MAML2: variants seen among roughly 807,000 people sequenced by gnomAD.
MAML2 encodes the protein mastermind like transcriptional coactivator 2, also known as mastermind-like protein 2.
MAML2 carries 22 observed loss-of-function variants against 96.1 expected under a neutral mutation model. The observed-to-expected ratio is 0.23, with a 90% CI of 0.16 to 0.33. The LOEUF (loss-of-function observed/expected upper bound fraction) is 0.33. Ranked by LOEUF, MAML2 falls within the 10% of genes least tolerant of loss-of-function variation. MAML2 has a pLI of 1.00. For synonymous variants in MAML2, 561 were observed against 521.3 expected (o/e 1.08, Z -1.04); for missense variants, 1,367 against 1,392.4 (o/e 0.98, Z 0.29).
intron 2 of MAML2, among the ~76,000 whole-genome samples, chr11:96,075,778 C>A (rs1208337528): frequency 6.6e-6 from 1 of 152,182 alleles, no homozygotes. Flanking sequence ...TTTCAGGTTA[C>A]TGGAAAAGCT....
intron 2 of MAML2, among the ~76,000 whole-genome samples, chr11:96,014,309 C>T (rs1209789899): frequency 1.3e-5 from 2 of 152,152 alleles, no homozygotes; most frequent in South Asian, 4.1e-4. Flanking sequence ...AAAAGACTAC[C>T]TTATTATTGG....
At chr11:96,036,728 G>A (rs1858719254) in intron 2 of MAML2, among the ~76,000 whole-genome samples, 1 of 152,024 alleles carries the variant, frequency 6.6e-6, no homozygotes, top group Non-Finnish European at 1.5e-5. Context: ...CTCCGGGGCT[G>A]AGATGTGGCG....
intron 2 of MAML2, among the ~76,000 whole-genome samples, chr11:96,041,894 C>T (rs577493441): frequency 2.0e-5 from 3 of 152,054 alleles, no homozygotes; most frequent in South Asian, 2.1e-4. Context: ...TAGCAACCTC[C>T]GCCTCCCAGG....
chr11:96,085,811 G>T (rs914169374), intron 2 of MAML2, among the ~76,000 whole-genome samples: 1 of 152,160 alleles, frequency 6.6e-6, no homozygotes, highest in Non-Finnish European at 1.5e-5. Context: ...AGGCTAACAT[G>T]TTCTTCTTGT....
intron 2 of MAML2, among the ~76,000 whole-genome samples, chr11:96,070,578 T>C (rs939880408): frequency 6.6e-6 from 1 of 152,256 alleles, no homozygotes; most frequent in African/African-American, 2.4e-5. Context: ...CTGGTACCTG[T>C]GTAGGCACCT....
intron 1 of MAML2, among the ~76,000 whole-genome samples, chr11:96,225,832 CAA>C (rs36112117): frequency 6.9e-6 from 1 of 145,096 alleles, no homozygotes; most frequent in Admixed American, 6.9e-5. Context: ...GACACTATCT[CAA>C]AAAAAAAAAA....
At chr11:96,288,808 C>G (rs1863174099) in intron 1 of MAML2, among the ~76,000 whole-genome samples, 1 of 152,124 alleles carries the variant, frequency 6.6e-6, no homozygotes, top group African/African-American at 2.4e-5. Context: ...GGTTTTTCTA[C>G]TATACATTAA....
intron 1 of MAML2, among the ~76,000 whole-genome samples, chr11:96,149,185 G>C (rs1298713707): frequency 6.6e-6 from 1 of 151,446 alleles, no homozygotes; most frequent in Non-Finnish European, 1.5e-5. Flanking sequence ...AGGCCGAGGT[G>C]GGCAGATCAC....
At chr11:96,217,281 C>G (rs1852440318) in intron 1 of MAML2, among the ~76,000 whole-genome samples, 1 of 149,950 alleles carries the variant, frequency 6.7e-6, no homozygotes, top group Non-Finnish European at 1.5e-5. Flanking sequence ...TGTGCATTTA[C>G]TAAAAGTAAC....
At chr11:96,012,275 A>G (rs555658923) in intron 2 of MAML2, among the ~76,000 whole-genome samples, 2 of 152,304 alleles carry the variant, frequency 1.3e-5, no homozygotes, top group South Asian at 4.1e-4. Context: ...AGTGAACACA[A>G]TCTCATAGCA....
chr11:96,037,737 A>G (rs182754342), intron 2 of MAML2, among the ~76,000 whole-genome samples: 1 of 152,294 alleles, frequency 6.6e-6, no homozygotes, highest in East Asian at 1.9e-4. Flanking sequence ...CAATTCACCC[A>G]CAGAGCCTGG....
At chr11:96,071,665 C>A (rs1243645562) in intron 2 of MAML2, among the ~76,000 whole-genome samples, 1 of 152,198 alleles carries the variant, frequency 6.6e-6, no homozygotes, top group Non-Finnish European at 1.5e-5. Context: ...TGTTCTGTAA[C>A]CTCATGGACT....
chr11:96,038,067 G>T (rs902043056), intron 2 of MAML2, among the ~76,000 whole-genome samples: 2 of 152,088 alleles, frequency 1.3e-5, no homozygotes, highest in Non-Finnish European at 2.9e-5. Flanking sequence ...AAATATGAAA[G>T]CAGGTAAATA....
At chr11:96,335,954 T>C (rs1004103784) in intron 1 of MAML2, among the ~76,000 whole-genome samples, 1 of 152,192 alleles carries the variant, frequency 6.6e-6, no homozygotes, top group Non-Finnish European at 1.5e-5. Context: ...TGTTCTCATA[T>C]AGCTATCCCT....
chr11:96,241,953 C>G (rs573191), intron 1 of MAML2, among the ~76,000 whole-genome samples: 38,013 of 152,134 alleles, frequency 0.25, 4,910 homozygotes, highest in Admixed American at 0.32. Context: ...CAGGGTTCAG[C>G]AAATTAGCAA....
intron 1 of MAML2, among the ~76,000 whole-genome samples, chr11:96,176,551 C>G (rs1247155459): frequency 6.6e-6 from 1 of 152,068 alleles, no homozygotes; most frequent in Non-Finnish European, 1.5e-5. Flanking sequence ...GGCACAGAGT[C>G]TTCTTGCCAC....
chr11:96,190,623 T>C (rs897952821), intron 1 of MAML2, among the ~76,000 whole-genome samples: 1 of 152,132 alleles, frequency 6.6e-6, no homozygotes, highest in African/African-American at 2.4e-5. Context: ...ATAAAAATAT[T>C]TGGGGTAACA....
chr11:96,193,255 G>A (rs1861681505), intron 1 of MAML2, among the ~76,000 whole-genome samples: 1 of 152,168 alleles, frequency 6.6e-6, no homozygotes, highest in Admixed American at 6.5e-5. Flanking sequence ...TGTAATCCCA[G>A]CTACTCAGGA....
At chr11:96,177,025 C>A (rs1350357313) in intron 1 of MAML2, among the ~76,000 whole-genome samples, 2 of 152,212 alleles carry the variant, frequency 1.3e-5, no homozygotes, top group African/African-American at 4.8e-5. Flanking sequence ...ATATACCATT[C>A]ATGGTCCTTT....
Sources: gnomAD v4.1 joint callset for allele counts (sites outside exome capture counted in the v4.1 genomes callset) on GRCh38, gnomAD v4.1.1 for gene constraint, MANE v1.5 for transcripts, NCBI Gene and HGNC (gene_info 2026-07-23, HGNC 2026-07-21) for gene names.